Variants in FHDC1 observed in about 807,000 individuals in gnomAD.
FHDC1 encodes FH2 domain-containing protein 1.
FHDC1 carries 25 observed loss-of-function variants against 52.6 expected under a neutral mutation model. The ratio of observed to expected loss-of-function variants is 0.48; its 90% CI spans 0.35 to 0.66. FHDC1 has a LOEUF of 0.66. FHDC1 is among the 30% of genes least tolerant of loss of function. The probability of loss-of-function intolerance (pLI) is 0.01; values close to 1 mark genes in which losing one functional copy is unlikely to be tolerated. For synonymous variants in FHDC1, 616 were observed against 581.5 expected (o/e 1.06, Z -0.85); for missense variants, 1,459 against 1,452.8 (o/e 1.00, Z -0.07).
intron 2 of FHDC1, among the ~76,000 whole-genome samples, chr4:152,944,065 C>T (rs535532538): frequency 6.6e-6 from 1 of 152,284 alleles, no homozygotes; most frequent in Admixed American, 6.5e-5. Flanking sequence ...CTTCATTCCT[C>T]AGATCTCTGA....
At chr4:152,959,087 A>G (rs1419940710) in intron 4 of FHDC1, among the ~76,000 whole-genome samples, 1 of 152,246 alleles carries the variant, frequency 6.6e-6, no homozygotes, top group African/African-American at 2.4e-5. Context: ...AAATCACGTT[A>G]TTAATCATAA....
intron 9 of FHDC1, among the ~76,000 whole-genome samples, chr4:152,966,928 T>G (rs1243104237): frequency 6.6e-6 from 1 of 152,174 alleles, no homozygotes; most frequent in Non-Finnish European, 1.5e-5. Context: ...GAGACCAGTC[T>G]GGGCAACATA....
rs555720051 is a variant in FHDC1 at position 152,948,272 on chromosome 4, A to G, written c.498+4717A>G. On this transcript the variant is annotated intron_variant, in intron 2 of 11. Coordinates refer to ENST00000511601, the MANE Select transcript of FHDC1 (RefSeq NM_001371116.1). ...AAAGAAGCCCCCTTTGACATAAAAA[A>G]CAAAAGTGGTTTAAAAGTTTCTTCC... Among the ~76,000 whole-genome samples, 8 of 152,356 alleles carry G rather than the reference A, an allele frequency of 5.3e-5. No individual in the cohort carries two copies. In the South Asian group the frequency reaches 1.7e-3, roughly 32 times the overall value.
intron 11 of FHDC1, among the ~76,000 whole-genome samples, chr4:152,973,968 C>G (rs1740756706): frequency 6.6e-6 from 1 of 152,182 alleles, no homozygotes; most frequent in African/African-American, 2.4e-5. Flanking sequence ...ATTGTGGGAA[C>G]AGGCTAGGAC....
chr4:152,932,646 CT>C (rs200811387), upstream of FHDC1, among the ~76,000 whole-genome samples: 86 of 152,248 alleles, frequency 5.6e-4, 6 homozygotes, highest in East Asian at 0.017. Flanking sequence ...AATCTTAATA[CT>C]GAACAACTGA....
intron 2 of FHDC1, among the ~76,000 whole-genome samples, chr4:152,950,408 AATG>A (rs1394150265): frequency 2.6e-5 from 4 of 152,168 alleles, no homozygotes; most frequent in Non-Finnish European, 5.9e-5. Flanking sequence ...ACTGTCCCTG[AATG>A]ATATCAGTTG....
At chr4:152,974,497 CAT>C (rs1317382677) in intron 11 of FHDC1, among the ~76,000 whole-genome samples, 176 bp from the exon 12 acceptor site, 4 of 151,814 alleles carry the variant, frequency 2.6e-5, no homozygotes, top group African/African-American at 7.3e-5. Flanking sequence ...CACACACACA[CAT>C]GCGTACACAC....
rs779737585 is a variant in FHDC1, at chr4:152,975,337, C to T, written c.2046C>T (p.Phe682=). Residue 682 remains phenylalanine (F), a synonymous_variant, in exon 12 of 12, where the codon TTC becomes TTT. Transcript: ENST00000511601. ...AGCTGGTGACAGGGCTGGCCCAGTT[C>T]AACCTCCAGGGTTCCCAGGGCATGG... ...EHELVTGLAQ[F]NLQGSQGMEE... is the part of the protein sequence containing the mutation. 25 of 1,613,574 alleles carry T rather than the reference C, an allele frequency of 1.5e-5. No individual in the cohort carries two copies. The highest frequency in any genetic ancestry group is 2.0e-5 in the Non-Finnish European group (24 of 1,180,044).
intron 3 of FHDC1, 43 bp downstream of exon 3, chr4:152,953,603 T>G: frequency 1.3e-6 from 2 of 1,526,364 alleles, no homozygotes; most frequent in Non-Finnish European, 1.8e-6. Flanking sequence ...ATATCCCTGC[T>G]GTCAGCATCA....
At chr4:152,919,577 T>C in the FHDC1 span, among the ~76,000 whole-genome samples, 4 of 152,222 alleles carry the variant, frequency 2.6e-5, no homozygotes, top group Admixed American at 1.3e-4. Context: ...CTTAATACTT[T>C]CTTTTTCCCC....
intron 2 of FHDC1, among the ~76,000 whole-genome samples, chr4:152,950,784 A>G (rs1466128645): frequency 6.6e-6 from 1 of 152,234 alleles, no homozygotes; most frequent in African/African-American, 2.4e-5. Context: ...TGCAAGCACC[A>G]TGCTGGTAGG....
chr4:152,928,690 G>A, the FHDC1 span, among the ~76,000 whole-genome samples: 6 of 152,118 alleles, frequency 3.9e-5, no homozygotes, highest in South Asian at 2.1e-4. Flanking sequence ...GAACTGACCC[G>A]GGTGATGAAA....
rs766771699 is a variant in FHDC1, at chr4:152,976,526, G to A, written c.3235G>A (p.Ala1079Thr). The change falls in exon 12 of 12, where the codon GCT (alanine) becomes ACT (threonine). Residue 1079 changes from alanine (A) to threonine (T), a missense_variant. Around this residue, in one of 3 missense-constraint regions of FHDC1, gnomAD observed 939 missense variants for 854.5 expected, o/e 1.10. Transcript: ENST00000511601. ...GGTGAAAGGGGACCCCGAGGATGCC[G>A]CTCCCAAGGACAGCAGCACTTTGAG... ...LRVKGDPEDA[A>T]PKDSSTLRRA... The A allele has an allele frequency of 3.1e-6, 5 of 1,613,142 alleles. No homozygotes were observed. Among genetic ancestry groups the A allele is most frequent in the Non-Finnish European group, 4.2e-6 (5 of 1,179,932 alleles).
At chr4:152,968,208 T>C (rs1191780937) in intron 10 of FHDC1, 111 bp downstream of exon 10, 2 of 741,022 alleles carry the variant, frequency 2.7e-6, no homozygotes, top group Non-Finnish European at 4.5e-6. Context: ...CATTCATATT[T>C]TTTTTCTCCA....
rs1403089157 is a variant in FHDC1, at chr4:152,976,687, C to A, written c.3396C>A (p.Thr1132=). 7.9e-6 allele frequency: 12 copies of A among 1,520,424 alleles called. No homozygotes were observed. The highest frequency in any genetic ancestry group is 1.1e-5 in the Non-Finnish European group (12 of 1,134,172). The allele number at this position is 1,520,424 out of a possible 1,614,324, so 94.2% of individuals were successfully genotyped here. A position where few individuals can be genotyped will look rare whatever the true frequency, so the allele number is the denominator to read the frequency against. The stretch of plus-strand genomic sequence containing the variant: ...TCCGTCGGAAGGACTCCAGTCGGAC[C>A]ACGCTGGGGAGAATCCTCAATCCCT... The part of the protein sequence containing the change: ...ASLRRKDSSR[T]TLGRILNPLR... The change falls in exon 12 of 12, where the codon ACC becomes ACA. Residue 1132 remains threonine (T), a synonymous_variant. Coordinates refer to ENST00000511601, the MANE Select transcript of FHDC1 (RefSeq NM_001371116.1).
chr4:152,946,959 C>T (rs1164434960), intron 2 of FHDC1, among the ~76,000 whole-genome samples: 2 of 152,054 alleles, frequency 1.3e-5, no homozygotes, highest in Non-Finnish European at 2.9e-5. Flanking sequence ...TGGCTCGCAC[C>T]TGTAATCCCA....
At chr4:152,935,124 G>C (rs1326713019), upstream of FHDC1, among the ~76,000 whole-genome samples, 2 of 152,154 alleles carry the variant, frequency 1.3e-5, no homozygotes, top group Non-Finnish European at 2.9e-5. Flanking sequence ...GCCAAGAAAT[G>C]GGCTATTGGC....
rs571352361 is a variant in FHDC1, at chr4:152,975,529, C to T, written c.2238C>T (p.Pro746=). Residue 746 remains proline (P), a synonymous_variant, in exon 12 of 12, where the codon CCC becomes CCT. Coordinates refer to ENST00000511601, the MANE Select transcript of FHDC1 (RefSeq NM_001371116.1). ...SPALEDGKAA[P]DEPGSAALGS... is the part of the protein sequence containing the mutation. ...CGCTGGAGGATGGCAAGGCTGCCCC[C>T]GATGAGCCTGGAAGTGCAGCTTTGG... 1.4e-5 allele frequency: 22 copies of T among 1,613,466 alleles called. No homozygotes were observed. The East Asian group carries it at 2.7e-4, about 20-fold the overall frequency.
chr4:152,933,726 T>C (rs1579074237), upstream of FHDC1, among the ~76,000 whole-genome samples: 2 of 92,480 alleles, frequency 2.2e-5, no homozygotes, highest in Admixed American at 1.2e-4. Flanking sequence ...TGAGACCCCG[T>C]CTCAAAAAAA....
Sources: gnomAD v4.1 joint callset for allele counts (sites outside exome capture counted in the v4.1 genomes callset) on GRCh38, gnomAD v4.1.1 for gene constraint, gnomAD v4.1.1 regional missense constraint, MANE v1.5 for transcripts, NCBI Gene and HGNC (gene_info 2026-07-23, HGNC 2026-07-21) for gene names.